Variants in EPN2 observed in about 807,000 individuals in gnomAD.
EPN2 encodes epsin 2.
In EPN2, 34 loss-of-function variants were observed where a neutral mutation model predicts 61.7. The ratio of observed to expected loss-of-function variants is 0.55; its 90% CI spans 0.42 to 0.73. The LOEUF (loss-of-function observed/expected upper bound fraction) is 0.73. Ranked by LOEUF, EPN2 falls within the 30% of genes least tolerant of loss-of-function variation. The pLI is 0.00. For missense variants in EPN2, 714 were observed against 839.2 expected (o/e 0.85, Z 1.84); for synonymous variants, 349 against 353.6 (o/e 0.99, Z 0.15).
intron 1 of EPN2, among the ~76,000 whole-genome samples, chr17:19,257,034 G>T (rs905132860): frequency 2.6e-5 from 4 of 152,174 alleles, no homozygotes; most frequent in Admixed American, 6.5e-5. Context: ...AATACTGGTA[G>T]AAGAAAATAG....
intron 4 of EPN2, among the ~76,000 whole-genome samples, chr17:19,287,006 C>G (rs1489047957): frequency 6.6e-6 from 1 of 152,190 alleles, no homozygotes; most frequent in Non-Finnish European, 1.5e-5. Context: ...CCATGTTCTA[C>G]CCATTTGGTA....
chr17:19,254,224 G>T (rs2045048752), intron 1 of EPN2, among the ~76,000 whole-genome samples: 2 of 151,594 alleles, frequency 1.3e-5, no homozygotes, highest in Admixed American at 6.6e-5. Context: ...AAAAAGGAAA[G>T]GAAAGGAAGG....
chr17:19,275,793 G>A (rs2045299919), intron 1 of EPN2, among the ~76,000 whole-genome samples: 1 of 152,230 alleles, frequency 6.6e-6, no homozygotes, highest in African/African-American at 2.4e-5. Context: ...TTGGTTTAAA[G>A]AACCTTACCT....
chr17:19,248,826 G>T (rs2044981413), intron 1 of EPN2, among the ~76,000 whole-genome samples: 1 of 152,222 alleles, frequency 6.6e-6, no homozygotes, highest in Non-Finnish European at 1.5e-5. Context: ...AGATAGCTGG[G>T]GGAGGGAAGT....
chr17:19,318,435 G>C (rs911750482), intron 7 of EPN2, among the ~76,000 whole-genome samples: 1 of 151,248 alleles, frequency 6.6e-6, no homozygotes, highest in Non-Finnish European at 1.5e-5. Context: ...TGTAATCCCA[G>C]CTACTTGGGA....
intron 4 of EPN2, among the ~76,000 whole-genome samples, chr17:19,291,693 G>C (rs970047894): frequency 6.6e-6 from 1 of 152,112 alleles, no homozygotes; most frequent in African/African-American, 2.4e-5. Flanking sequence ...ACCCGCCTCG[G>C]CCTCCCAAAG....
At chr17:19,318,345 C>T (rs1393794409) in intron 7 of EPN2, among the ~76,000 whole-genome samples, 2 of 151,266 alleles carry the variant, frequency 1.3e-5, no homozygotes, top group East Asian at 2.0e-4. Context: ...GTCAAGAGAT[C>T]GAGACCATCC....
intron 10 of EPN2, among the ~76,000 whole-genome samples, chr17:19,333,112 G>A (rs566898872): frequency 7.7e-4 from 117 of 152,310 alleles, no homozygotes; most frequent in African/African-American, 2.6e-3. Flanking sequence ...GGTGGAACTA[G>A]ATTAGTTTCC....
At chr17:19,279,513 A>T (rs1306301307) in intron 1 of EPN2, among the ~76,000 whole-genome samples, 3 of 150,238 alleles carry the variant, frequency 2.0e-5, no homozygotes, top group South Asian at 2.1e-4. Context: ...ATCTCAGCTC[A>T]CTGCAAGCTC....
At chr17:19,319,674 G>A (rs929231724) in intron 7 of EPN2, among the ~76,000 whole-genome samples, 1 of 150,296 alleles carries the variant, frequency 6.7e-6, no homozygotes, top group African/African-American at 2.5e-5. Context: ...TTGAGAGAAG[G>A]TTTCCCTCTG....
chr17:19,331,772 G>C, intron 9 of EPN2, 81 bp from the exon 10 acceptor site: 1 of 1,229,684 alleles, frequency 8.1e-7, no homozygotes, highest in Non-Finnish European at 1.2e-6. Flanking sequence ...ATGTCCCCAG[G>C]AGGCCATGTT....
chr17:19,334,976 C>T lies in EPN2; in HGVS notation c.*722C>T. On this transcript the variant is annotated 3_prime_UTR_variant, in exon 11 of 11. Coordinates refer to ENST00000314728, the MANE Select transcript of EPN2 (RefSeq NM_014964.5). The surrounding 1 kb of genome is among the most constrained non-coding windows in gnomAD (Gnocchi z 4.9). ...ACTGTCTAGTTTTGATAGAATTTAC[C>T]AGGTCTGGCTGAATGAAGATGTTGG... 6.5e-6 allele frequency: 1 copy of T among 154,804 alleles called. No individual in the cohort carries two copies. The highest frequency in any genetic ancestry group is 1.4e-5 in the Non-Finnish European group (1 of 69,872). The allele number at this position is 154,804 out of a possible 1,614,324, so 9.6% of individuals were successfully genotyped here. A position where few individuals can be genotyped will look rare whatever the true frequency, so the allele number is the denominator to read the frequency against.
At chr17:19,305,196 G>T (rs1469605197) in intron 4 of EPN2, among the ~76,000 whole-genome samples, 1 of 149,634 alleles carries the variant, frequency 6.7e-6, no homozygotes, top group Non-Finnish European at 1.5e-5. Context: ...ATCTTGGCTC[G>T]CTGCAACCTC....
chr17:19,274,853 C>T (rs968171204), intron 1 of EPN2, among the ~76,000 whole-genome samples: 1 of 124,832 alleles, frequency 8.0e-6, no homozygotes, highest in African/African-American at 4.4e-5. Context: ...GGGGCATAAC[C>T]CTAGCCTTGG....
chr17:19,240,651 C>G (rs940593436), intron 1 of EPN2, among the ~76,000 whole-genome samples: 8 of 151,906 alleles, frequency 5.3e-5, no homozygotes, highest in Non-Finnish European at 1.5e-5. Flanking sequence ...GTAAACAGAC[C>G]TCTTCTGTCA....
At chr17:19,300,459 G>A (rs1366988992) in intron 4 of EPN2, among the ~76,000 whole-genome samples, 4 of 119,334 alleles carry the variant, frequency 3.4e-5, no homozygotes, top group Non-Finnish European at 6.6e-5. Context: ...AGACAGAGTC[G>A]CTCTTGTTGC....
intron 4 of EPN2, chr17:19,308,232 C>A: frequency 2.0e-6 from 1 of 495,806 alleles, no homozygotes; most frequent in Non-Finnish European, 2.6e-6. Context: ...CGCCACCACA[C>A]CCAGCTAATT....
intron 4 of EPN2, among the ~76,000 whole-genome samples, chr17:19,293,137 G>A (rs1295338317): frequency 1.3e-5 from 2 of 152,006 alleles, no homozygotes; most frequent in African/African-American, 2.4e-5. Flanking sequence ...CCAGCATGTT[G>A]GGAGGTTGAG....
intron 1 of EPN2, among the ~76,000 whole-genome samples, chr17:19,253,874 C>T (rs2045043894): frequency 1.3e-5 from 2 of 152,150 alleles, no homozygotes; most frequent in African/African-American, 4.8e-5. Flanking sequence ...GTGGCTCATA[C>T]ATGTAATACC....
Sources: allele counts gnomAD v4.1 joint callset (sites outside exome capture counted in the v4.1 genomes callset), GRCh38; gene constraint gnomAD v4.1.1; non-coding constraint Gnocchi (gnomAD v3.1); transcripts MANE v1.5; gene names NCBI Gene and HGNC (gene_info 2026-07-23, HGNC 2026-07-21).